The following FNDC3A variants were observed in gnomAD, a reference collection of about 807,000 sequenced individuals.
FNDC3A encodes the protein fibronectin type III domain containing 3A.
FNDC3A carries 32 observed loss-of-function variants against 148.9 expected under a neutral mutation model. The ratio of observed to expected loss-of-function variants is 0.21; its 90% confidence interval spans 0.16 to 0.29. FNDC3A has a LOEUF of 0.29. FNDC3A is among the 10% of genes least tolerant of loss of function. The probability of loss-of-function intolerance (pLI) is 1.00; values close to 1 mark genes in which losing one functional copy is unlikely to be tolerated. For missense variants in FNDC3A, 1,191 were observed against 1,452.8 expected (o/e 0.82, Z 2.93); for synonymous variants, 472 against 473.6 (o/e 1.00, Z 0.04).
intron 3 of FNDC3A, among the ~76,000 whole-genome samples, chr13:49,088,288 G>C (rs148014754): frequency 6.6e-6 from 1 of 152,184 alleles, no homozygotes; most frequent in East Asian, 1.9e-4. Context: ...TTTCTACTAC[G>C]TGTGTTTTTC....
intron 2 of FNDC3A, among the ~76,000 whole-genome samples, chr13:49,026,083 A>G (rs898193511): frequency 2.6e-5 from 4 of 152,250 alleles, no homozygotes; most frequent in South Asian, 2.1e-4. Flanking sequence ...CTAGAATACT[A>G]TATACCAGTA....
At chr13:49,184,541 C>T (rs919572156) in intron 14 of FNDC3A, among the ~76,000 whole-genome samples, 1 of 151,998 alleles carries the variant, frequency 6.6e-6, no homozygotes, top group African/African-American at 2.4e-5. Context: ...TAAGGTCAAC[C>T]GAGAGGAAGA....
At chr13:49,149,408 G>A (rs1883167227) in intron 8 of FNDC3A, among the ~76,000 whole-genome samples, 1 of 151,904 alleles carries the variant, frequency 6.6e-6, no homozygotes, top group Admixed American at 6.6e-5. Context: ...ATTTTATGAA[G>A]GGATGCTGAA....
At chr13:49,203,379 A>G in intron 25 of FNDC3A, 95 bp downstream of exon 25, 1 of 838,198 alleles carries the variant, frequency 1.2e-6, no homozygotes, top group Non-Finnish European at 1.9e-6. Context: ...TTTACCTTTT[A>G]ATTCATAAAT....
At chr13:49,064,197 C>G (rs757980246) in intron 2 of FNDC3A, among the ~76,000 whole-genome samples, 7 of 151,860 alleles carry the variant, frequency 4.6e-5, no homozygotes, top group Non-Finnish European at 1.0e-4. Flanking sequence ...AAAAATTAGC[C>G]GGGCATGGTG....
intron 7 of FNDC3A, among the ~76,000 whole-genome samples, chr13:49,141,610 C>T (rs1882692809): frequency 6.6e-6 from 1 of 152,118 alleles, no homozygotes; most frequent in South Asian, 2.1e-4. Flanking sequence ...CTTTCTTCTA[C>T]AGTCTTTGTC....
chr13:49,130,732 A>C (rs1341976716), intron 4 of FNDC3A, among the ~76,000 whole-genome samples: 1 of 152,108 alleles, frequency 6.6e-6, no homozygotes, highest in Non-Finnish European at 1.5e-5. Flanking sequence ...AAATTTTTAA[A>C]ATTTCTAATG....
At chr13:49,165,614 A>C (rs140795633) in intron 8 of FNDC3A, among the ~76,000 whole-genome samples, 1 of 152,140 alleles carries the variant, frequency 6.6e-6, no homozygotes, top group South Asian at 2.1e-4. Context: ...CATGAGTACC[A>C]GTGTTAGCAA....
At chr13:49,124,251 A>G (rs1343947120) in intron 4 of FNDC3A, among the ~76,000 whole-genome samples, 1 of 152,168 alleles carries the variant, frequency 6.6e-6, no homozygotes, top group African/African-American at 2.4e-5. Context: ...ACAGAAAACC[A>G]AACACCACAT....
intron 2 of FNDC3A, among the ~76,000 whole-genome samples, chr13:49,012,547 A>G (rs558598652): frequency 4.6e-5 from 7 of 152,218 alleles, no homozygotes; most frequent in Non-Finnish European, 8.8e-5. Flanking sequence ...TTAGCTTATC[A>G]ATACACACAC....
chr13:49,023,572 T>A (rs7983637), intron 2 of FNDC3A, among the ~76,000 whole-genome samples: 3,527 of 152,012 alleles, frequency 0.023, 48 homozygotes, highest in Middle Eastern at 0.051. Flanking sequence ...CTAAAAAGAA[T>A]TGATGTTCTA....
chr13:49,166,468 C>G (rs1884467874), intron 8 of FNDC3A, among the ~76,000 whole-genome samples: 1 of 152,108 alleles, frequency 6.6e-6, no homozygotes, highest in Non-Finnish European at 1.5e-5. Flanking sequence ...GGGTTGTGCT[C>G]TCAATATGAT....
chr13:49,187,922 A>G (rs1306262419), intron 16 of FNDC3A, among the ~76,000 whole-genome samples: 1 of 152,180 alleles, frequency 6.6e-6, no homozygotes, highest in Non-Finnish European at 1.5e-5. Context: ...CTCAGCCTCT[A>G]TACACCTAGA....
At chr13:49,030,082 T>G (rs991253428) in intron 2 of FNDC3A, among the ~76,000 whole-genome samples, 3 of 152,060 alleles carry the variant, frequency 2.0e-5, no homozygotes, top group African/African-American at 7.2e-5. Flanking sequence ...ACAGAGACAT[T>G]GCAAGAAAAC....
Position 49,168,692 on chromosome 13 carries a change from A to T in FNDC3A, c.1117A>T (p.Ile373Leu), listed in dbSNP as rs1275336844. 6.2e-7 allele frequency: 1 copy of T among 1,613,186 alleles called. No homozygotes were observed. Among genetic ancestry groups the T allele is most frequent in the Non-Finnish European group, 8.5e-7 (1 of 1,179,172 alleles). The change falls in exon 10 of 26, where the codon ATA becomes TTA. Residue 373 changes from isoleucine (I) to leucine (L), a missense_variant. Ile to Leu is a conservative substitution (Grantham distance 5). Transcript: ENST00000492622. ...TACCACCTTGAGCTGTGAACCTGAT[A>T]TACCTAATCCACCAAGGATAGCCAA... ...IFTTLSCEPD[I>L]PNPPRIANRT... is the part of the protein sequence containing the mutation.
intron 1 of FNDC3A, among the ~76,000 whole-genome samples, chr13:48,985,862 A>G (rs1951781493): frequency 6.6e-6 from 1 of 152,258 alleles, no homozygotes; most frequent in Admixed American, 6.5e-5. Context: ...ATAAGCAAGT[A>G]CAGCCTTTGT....
intron 2 of FNDC3A, among the ~76,000 whole-genome samples, chr13:49,074,915 T>C (rs1023203681): frequency 6.6e-6 from 1 of 152,176 alleles, no homozygotes; most frequent in African/African-American, 2.4e-5. Flanking sequence ...TCAGATATGC[T>C]CAACTCATGC....
chr13:49,174,583 T>G, intron 12 of FNDC3A, 24 bp downstream of exon 12: 1 of 1,574,350 alleles, frequency 6.4e-7, no homozygotes. Flanking sequence ...TATAAAAGAA[T>G]GTAAATATTT....
rs763195584 is a variant in FNDC3A at position 49,187,104 on chromosome 13, CT to C, written c.1757-15del. The C allele has an allele frequency of 6.9e-6, 11 of 1,594,642 alleles. No individual in the cohort carries two copies. The highest frequency in any genetic ancestry group is 9.4e-6 in the Non-Finnish European group (11 of 1,165,128). ...TTGTTTTGTACCTTGCCTAATACTA[CT>C]TTGCTTCTTTGGATAGATCCACCAA... On this transcript the variant is annotated splice_polypyrimidine_tract_variant and intron_variant, in intron 15 of 25. Transcript: ENST00000492622.
Sources: gnomAD v4.1 joint callset for allele counts (sites outside exome capture counted in the v4.1 genomes callset) on GRCh38, gnomAD v4.1.1 for gene constraint, MANE v1.5 for transcripts, NCBI Gene and HGNC (gene_info 2026-07-23, HGNC 2026-07-21) for gene names.